MAGI1: variants seen among roughly 807,000 people sequenced by gnomAD.
MAGI1 encodes the protein membrane associated guanylate kinase, WW and PDZ domain containing 1, also known as membrane-associated guanylate kinase, WW and PDZ domain-containing protein 1.
A neutral mutation model predicts 139.9 loss-of-function variants in MAGI1; 58 were observed. The observed-to-expected ratio is 0.41, with a 90% confidence interval of 0.34 to 0.52. The LOEUF is 0.52. MAGI1 is among the 20% of genes least tolerant of loss of function. The pLI is 0.12. For synonymous variants in MAGI1, 812 were observed against 737.9 expected (o/e 1.10, Z -1.63); for missense variants, 1,874 against 1,901.6 (o/e 0.99, Z 0.27).
chr3:65,751,537 C>T (rs141559615), intron 1 of MAGI1, among the ~76,000 whole-genome samples: 1,911 of 152,304 alleles, frequency 0.013, 31 homozygotes, highest in Middle Eastern at 0.024. Flanking sequence ...TTCCTGGATG[C>T]TAGCAGTATG....
Position 65,919,832 on chromosome 3 carries a change from T to C in MAGI1, c.313+118164A>G, listed in dbSNP as rs2062088604. Among the ~76,000 whole-genome samples, 7 of 152,164 alleles carry C rather than the reference T, an allele frequency of 4.6e-5. No individual in the cohort carries two copies. The South Asian group carries it at 1.4e-3, about 32-fold the overall frequency. On this transcript the variant is annotated intron_variant, in intron 1 of 22. Coordinates refer to ENST00000402939, the MANE Select transcript of MAGI1 (RefSeq NM_001033057.2). ...GTCAGCCTGCTTCCTGATATCTAACTACTGCTTTGAACACTAGAACTCTCA... is the reference window on the plus strand; with the variant it reads ...GTCAGCCTGCTTCCTGATATCTAACCACTGCTTTGAACACTAGAACTCTCA...
chr3:65,421,653 C>T (rs575564302), intron 12 of MAGI1, among the ~76,000 whole-genome samples: 1 of 152,254 alleles, frequency 6.6e-6, no homozygotes, highest in Non-Finnish European at 1.5e-5. Context: ...ATTAAAGGTA[C>T]TTTAATGAAA....
intron 1 of MAGI1, among the ~76,000 whole-genome samples, chr3:65,983,811 T>C (rs527307684): frequency 6.6e-6 from 1 of 152,296 alleles, no homozygotes; most frequent in East Asian, 1.9e-4. Flanking sequence ...GTTTCAGTTT[T>C]TTATATTTGT....
chr3:65,592,229 A>G (rs898285178), intron 2 of MAGI1, among the ~76,000 whole-genome samples: 2 of 152,218 alleles, frequency 1.3e-5, no homozygotes, highest in Non-Finnish European at 2.9e-5. Flanking sequence ...CAACCTAACA[A>G]AAGTAGGTTC....
chr3:65,437,025 T>G (rs947782908), intron 10 of MAGI1, 130 bp downstream of exon 10: 1 of 513,208 alleles, frequency 1.9e-6, no homozygotes, highest in Non-Finnish European at 3.5e-6. Flanking sequence ...TATCATTGTT[T>G]TCATTATTTA....
chr3:65,732,601 G>C (rs1193461932), intron 1 of MAGI1, among the ~76,000 whole-genome samples: 1 of 152,174 alleles, frequency 6.6e-6, no homozygotes, highest in Non-Finnish European at 1.5e-5. Flanking sequence ...AAACAAGAAT[G>C]TGAAGTTGAA....
intron 1 of MAGI1, among the ~76,000 whole-genome samples, chr3:65,746,037 G>T (rs1258906906): frequency 1.3e-5 from 2 of 151,460 alleles, no homozygotes; most frequent in African/African-American, 4.9e-5. Flanking sequence ...GCCAGATACT[G>T]AATTCTTTTC....
intron 1 of MAGI1, among the ~76,000 whole-genome samples, chr3:65,984,596 C>T (rs1231744688): frequency 6.6e-6 from 1 of 150,834 alleles, no homozygotes; most frequent in African/African-American, 2.4e-5. Context: ...GTGTTACGAT[C>T]ACCACTCACT....
At chr3:65,358,910 G>A (rs1261356015) in intron 22 of MAGI1, among the ~76,000 whole-genome samples, 1 of 152,222 alleles carries the variant, frequency 6.6e-6, no homozygotes, top group Non-Finnish European at 1.5e-5. Context: ...ACAAGGGAAG[G>A]CAACACTTCA....
In MAGI1 at chr3:65,430,046, G is replaced by A. The variant is rs764124302; in HGVS notation, c.1641C>T (p.Ser547=). Residue 547 remains serine (S), a synonymous_variant, in exon 12 of 23, where the codon AGC becomes AGT. Transcript: ENST00000402939. ...KIFQSIPIGA[S]VDLELCRGYP... ...AACCTCGGCAGAGTTCAAGGTCCAC[G>A]CTGGCACCAATGGGGATGGACTGGA... The A allele has an allele frequency of 2.0e-5, 33 of 1,613,768 alleles. No homozygotes were observed. The highest frequency in any genetic ancestry group is 4.5e-5 in the East Asian group (2 of 44,848).
intron 10 of MAGI1, among the ~76,000 whole-genome samples, chr3:65,436,900 G>A (rs944931589): frequency 7.2e-5 from 11 of 152,050 alleles, no homozygotes; most frequent in African/African-American, 2.4e-4. Context: ...ATTGAGAAAC[G>A]TTGGTTTGAA....
At chr3:65,558,240 A>C (rs1394713686) in intron 2 of MAGI1, among the ~76,000 whole-genome samples, 1 of 152,134 alleles carries the variant, frequency 6.6e-6, no homozygotes, top group Non-Finnish European at 1.5e-5. Context: ...TTCCATTTTT[A>C]ATTGGTTGAT....
At chr3:65,603,165 C>A (rs2082560699) in intron 2 of MAGI1, among the ~76,000 whole-genome samples, 1 of 152,052 alleles carries the variant, frequency 6.6e-6, no homozygotes, top group Non-Finnish European at 1.5e-5. Context: ...ATTTTATGGA[C>A]AGATTTTACC....
At chr3:65,688,229 C>G in intron 1 of MAGI1, 1 of 808,226 alleles carries the variant, frequency 1.2e-6, no homozygotes, top group South Asian at 1.3e-5. Context: ...AGGACATAGT[C>G]TGCTACACAG....
chr3:65,591,694 T>A (rs1204909195), intron 2 of MAGI1, among the ~76,000 whole-genome samples: 1 of 152,178 alleles, frequency 6.6e-6, no homozygotes, highest in African/African-American at 2.4e-5. Context: ...TACTCTGACC[T>A]CTCCTCCCAT....
At chr3:65,504,578 G>C (rs193115824) in intron 2 of MAGI1, among the ~76,000 whole-genome samples, 1 of 152,148 alleles carries the variant, frequency 6.6e-6, no homozygotes, top group African/African-American at 2.4e-5. Context: ...TAAACTAGTG[G>C]AGGAGCGAGG....
chr3:65,413,897 T>C (rs926345434), intron 12 of MAGI1, among the ~76,000 whole-genome samples: 8 of 152,192 alleles, frequency 5.3e-5, no homozygotes, highest in East Asian at 1.9e-4. Flanking sequence ...TGAAATATTT[T>C]AGTTGGGAAC....
intron 1 of MAGI1, among the ~76,000 whole-genome samples, chr3:65,842,597 G>C (rs900051543): frequency 6.6e-6 from 1 of 152,024 alleles, no homozygotes; most frequent in Non-Finnish European, 1.5e-5. Flanking sequence ...CCGACCTCAG[G>C]TGATCCACCC....
At chr3:65,860,637 C>T (rs2059525986) in intron 1 of MAGI1, among the ~76,000 whole-genome samples, 1 of 152,164 alleles carries the variant, frequency 6.6e-6, no homozygotes, top group Non-Finnish European at 1.5e-5. Flanking sequence ...AGAAAGGTCC[C>T]CTAGGATGGT....
Sources: gnomAD v4.1 joint callset for allele counts (sites outside exome capture counted in the v4.1 genomes callset) on GRCh38, gnomAD v4.1.1 for gene constraint, MANE v1.5 for transcripts, NCBI Gene and HGNC (gene_info 2026-07-23, HGNC 2026-07-21) for gene names.